DCBLD2: variants seen among roughly 807,000 people sequenced by gnomAD.
DCBLD2 encodes the protein discoidin, CUB and LCCL domain-containing protein 2.
DCBLD2 carries 54 observed loss-of-function variants against 86.8 expected under a neutral mutation model. The observed-to-expected ratio is 0.62, with a 90% CI of 0.50 to 0.78. The LOEUF is 0.78. Among genes scored for constraint, DCBLD2 ranks in the 30% least tolerant of loss-of-function variants. The pLI, the probability that DCBLD2 is intolerant of heterozygous loss-of-function variation, is 0.00. For missense variants in DCBLD2, 908 were observed against 954.2 expected, an observed-to-expected ratio of 0.95 and a Z score of 0.64; for synonymous variants, 354 against 341.3, an observed-to-expected ratio of 1.04 and a Z score of -0.41.
intron 2 of DCBLD2, among the ~76,000 whole-genome samples, chr3:98,877,134 C>A (rs1281847432): frequency 6.6e-6 from 1 of 152,000 alleles, no homozygotes. Flanking sequence ...CTTTGAGAAT[C>A]ATGTTAATGT....
chr3:98,798,751 C>T lies in DCBLD2; in HGVS notation c.*621G>A, dbSNP rs1941657854. On this transcript the variant is annotated 3_prime_UTR_variant, in exon 16 of 16. Coordinates refer to ENST00000326840, the MANE Select transcript of DCBLD2 (RefSeq NM_080927.4). ...TGAGACCAGGCCATATACTGTGAAGCATTAAAGCTCTAAAGAGTGTCACAA... is the reference window on the plus strand; with the variant it reads ...TGAGACCAGGCCATATACTGTGAAGTATTAAAGCTCTAAAGAGTGTCACAA... 1 of 152,346 alleles carries T rather than the reference C, an allele frequency of 6.6e-6. No homozygotes were observed. Among genetic ancestry groups the T allele is most frequent in the Non-Finnish European group, 1.5e-5 (1 of 68,174 alleles). The allele number at this position is 152,346 out of a possible 1,614,324, so 9.4% of individuals were successfully genotyped here.
chr3:98,844,876 A>G (rs1243247167), intron 3 of DCBLD2, among the ~76,000 whole-genome samples: 1 of 152,212 alleles, frequency 6.6e-6, no homozygotes, highest in East Asian at 1.9e-4. Flanking sequence ...ATGAAAACTG[A>G]TTAACAGTAT....
intron 2 of DCBLD2, among the ~76,000 whole-genome samples, chr3:98,862,983 G>A (rs1943073711): frequency 1.3e-5 from 2 of 152,252 alleles, no homozygotes; most frequent in South Asian, 2.1e-4. Flanking sequence ...CATCATCTAC[G>A]CCCAAAATCT....
chr3:98,850,563 A>T (rs2107485632), intron 2 of DCBLD2, among the ~76,000 whole-genome samples: 1 of 152,316 alleles, frequency 6.6e-6, no homozygotes, highest in East Asian at 1.9e-4. Flanking sequence ...CACACTAATA[A>T]ATAATAAAAA....
intron 3 of DCBLD2, among the ~76,000 whole-genome samples, chr3:98,838,707 G>T (rs1181810215): frequency 6.6e-6 from 1 of 152,124 alleles, no homozygotes; most frequent in Non-Finnish European, 1.5e-5. Context: ...GCTGGGAGGT[G>T]TAGGTTGTAG....
Position 98,796,835 on chromosome 3 carries a change from A to G in DCBLD2, c.*2537T>C, listed in dbSNP as rs1379998313. On this transcript the variant is annotated 3_prime_UTR_variant, in exon 16 of 16. Coordinates refer to ENST00000326840, the MANE Select transcript of DCBLD2 (RefSeq NM_080927.4). ...ATTTTATGAAACCTGTAATGGCCAC[A>G]TTTGTTGTGTCTCCGATGTATTTCT... 3 of 152,640 alleles carry G rather than the reference A, an allele frequency of 2.0e-5. No homozygotes were observed. The highest frequency in any genetic ancestry group is 6.5e-5 in the Admixed American group (1 of 15,278). The allele number at this position is 152,640 out of a possible 1,614,324, so 9.5% of individuals were successfully genotyped here. A position where few individuals can be genotyped will look rare whatever the true frequency, so the allele number is the denominator to read the frequency against.
At chr3:98,901,016 A>C in intron 1 of DCBLD2, 106 bp downstream of exon 1, 1 of 1,516,094 alleles carries the variant, frequency 6.6e-7, no homozygotes, top group East Asian at 2.5e-5. Flanking sequence ...CCACGCACGA[A>C]AGCGCACCGC....
intron 3 of DCBLD2, among the ~76,000 whole-genome samples, chr3:98,838,853 C>A (rs538475189): frequency 2.2e-4 from 33 of 152,062 alleles, no homozygotes; most frequent in African/African-American, 7.2e-4. Context: ...GAGACCGGCC[C>A]GGCCAACACA....
chr3:98,874,738 A>G (rs903360987), intron 2 of DCBLD2, among the ~76,000 whole-genome samples: 5 of 152,196 alleles, frequency 3.3e-5, no homozygotes, highest in African/African-American at 1.2e-4. Flanking sequence ...TAGTGTACTT[A>G]TAAGAAGAGA....
intron 9 of DCBLD2, chr3:98,816,090 A>G (rs1463783206): frequency 6.6e-6 from 1 of 151,792 alleles, no homozygotes; most frequent in Non-Finnish European, 1.5e-5. Context: ...AAACTGCTTA[A>G]AACAAATGAT....
At chr3:98,870,728 AAAG>A (rs1252369819) in intron 2 of DCBLD2, among the ~76,000 whole-genome samples, 3 of 95,566 alleles carry the variant, frequency 3.1e-5, no homozygotes, top group Non-Finnish European at 4.3e-5. Context: ...AAGGAAAAGA[AAAG>A]AAAGAAAAAG....
intron 2 of DCBLD2, among the ~76,000 whole-genome samples, chr3:98,857,973 C>T (rs1459380687): frequency 6.6e-6 from 1 of 152,254 alleles, no homozygotes; most frequent in African/African-American, 2.4e-5. Context: ...CGTGCGCCCG[C>T]ACTCCTCAGC....
chr3:98,899,294 C>T (rs1446320785), intron 1 of DCBLD2, among the ~76,000 whole-genome samples: 3 of 131,778 alleles, frequency 2.3e-5, no homozygotes, highest in Non-Finnish European at 3.1e-5. Context: ...CAGTCTCGCT[C>T]TGTCGCCAGG....
chr3:98,863,353 GA>G (rs1403915312), intron 2 of DCBLD2, among the ~76,000 whole-genome samples: 1 of 152,044 alleles, frequency 6.6e-6, no homozygotes, highest in Non-Finnish European at 1.5e-5. Flanking sequence ...CACAGAATTG[GA>G]AAAAACTACT....
At chr3:98,871,794 G>T (rs1943285434) in intron 2 of DCBLD2, among the ~76,000 whole-genome samples, 1 of 152,276 alleles carries the variant, frequency 6.6e-6, no homozygotes, top group Non-Finnish European at 1.5e-5. Flanking sequence ...TTCATAGAAA[G>T]AATTAGGGAG....
chr3:98,808,840 A>T (rs556890774), intron 12 of DCBLD2, among the ~76,000 whole-genome samples: 1 of 152,286 alleles, frequency 6.6e-6, no homozygotes, highest in South Asian at 2.1e-4. Context: ...CCTAGAATTT[A>T]TTCTCAGAAA....
At chr3:98,877,942 C>T (rs772254731) in intron 2 of DCBLD2, among the ~76,000 whole-genome samples, 9 of 151,620 alleles carry the variant, frequency 5.9e-5, no homozygotes, top group Non-Finnish European at 1.2e-4. Context: ...AAGTGATGGC[C>T]TAACACAGGA....
At chr3:98,800,841 T>A in intron 14 of DCBLD2, 125 bp from the exon 15 acceptor site, 1 of 1,370,922 alleles carries the variant, frequency 7.3e-7, no homozygotes, top group Non-Finnish European at 9.9e-7. Context: ...CAAACTTGCC[T>A]TTATAATCCA....
chr3:98,850,997 T>G (rs918801212), intron 2 of DCBLD2, among the ~76,000 whole-genome samples: 1 of 152,202 alleles, frequency 6.6e-6, no homozygotes, highest in South Asian at 2.1e-4. Context: ...TCATACTGAA[T>G]GGGCAAAAAC....
Sources: gnomAD v4.1 joint callset for allele counts (sites outside exome capture counted in the v4.1 genomes callset) on GRCh38, gnomAD v4.1.1 for gene constraint, MANE v1.5 for transcripts, NCBI Gene and HGNC (gene_info 2026-07-23, HGNC 2026-07-21) for gene names.